MAGI2: variants seen among roughly 807,000 people sequenced by gnomAD.
MAGI2 encodes the protein membrane associated guanylate kinase, WW and PDZ domain containing 2, also known as membrane-associated guanylate kinase, WW and PDZ domain-containing protein 2.
A neutral mutation model predicts 133.3 loss-of-function variants in MAGI2; 35 were observed. That is an observed-to-expected ratio of 0.26 (90% CI 0.20 to 0.35). The LOEUF (loss-of-function observed/expected upper bound fraction) is 0.35. MAGI2 is among the 10% of genes least tolerant of loss of function. MAGI2 has a pLI of 1.00. For synonymous variants in MAGI2, 729 were observed against 710.6 expected, an observed-to-expected ratio of 1.03 and a Z score of -0.41; for missense variants, 1,636 against 1,863.4, an observed-to-expected ratio of 0.88 and a Z score of 2.25.
chr7:78,989,105 G>C (rs1325729387), intron 2 of MAGI2, among the ~76,000 whole-genome samples: 2 of 152,076 alleles, frequency 1.3e-5, no homozygotes, highest in African/African-American at 4.8e-5. Flanking sequence ...AAATGAGCCA[G>C]AGACATTTTA....
rs145943035 is a variant in MAGI2, at chr7:78,854,173, T to G, written c.418+152917A>C. Among the ~76,000 whole-genome samples, 1,165 of 152,318 alleles carry G rather than the reference T, an allele frequency of 7.6e-3. 17 individuals carry two copies. Among genetic ancestry groups the G allele is most frequent in the African/African-American group, 0.026 (1,071 of 41,578 alleles). On this transcript the variant is annotated intron_variant, in intron 2 of 21. Transcript: ENST00000354212. Reference sequence around the variant, plus strand: ...CTAAATTTGCTTCATGGAAACTATGTATACTCTAGAAAAATAAATACAACA... The same window carrying G: ...CTAAATTTGCTTCATGGAAACTATGGATACTCTAGAAAAATAAATACAACA...
chr7:78,422,115 A>G (rs994195418), intron 6 of MAGI2, among the ~76,000 whole-genome samples: 4 of 152,182 alleles, frequency 2.6e-5, no homozygotes, highest in African/African-American at 9.6e-5. Context: ...AAGCTCTAAC[A>G]GAACTGAGGA....
chr7:78,335,104 T>C (rs1172633763), intron 9 of MAGI2, among the ~76,000 whole-genome samples: 1 of 152,216 alleles, frequency 6.6e-6, no homozygotes, highest in African/African-American at 2.4e-5. Context: ...GACCATCTGG[T>C]CTGCAAAACC....
chr7:79,015,205 A>C (rs544610916), intron 1 of MAGI2, among the ~76,000 whole-genome samples: 1 of 152,254 alleles, frequency 6.6e-6, no homozygotes, highest in African/African-American at 2.4e-5. Context: ...TTGTAATCCC[A>C]GAACTTTGGG....
intron 2 of MAGI2, among the ~76,000 whole-genome samples, chr7:78,960,661 A>G (rs1802759822): frequency 6.6e-6 from 1 of 152,142 alleles, no homozygotes; most frequent in Non-Finnish European, 1.5e-5. Context: ...ACATATTGAA[A>G]TTCCTTCAGG....
intron 1 of MAGI2, among the ~76,000 whole-genome samples, chr7:79,286,629 A>G (rs984158958): frequency 6.6e-6 from 1 of 152,106 alleles, no homozygotes; most frequent in Non-Finnish European, 1.5e-5. Context: ...GACATGCCAG[A>G]CTAAAGAAGC....
intron 1 of MAGI2, among the ~76,000 whole-genome samples, chr7:79,360,037 C>CCATT (rs1289059059): frequency 6.6e-6 from 1 of 152,098 alleles, no homozygotes; most frequent in Non-Finnish European, 1.5e-5. Context: ...TCAGAATTAT[C>CCATT]CATTTCAAAA....
intron 17 of MAGI2, chr7:78,134,273 G>A (rs1162369736): frequency 2.0e-5 from 3 of 152,224 alleles, no homozygotes; most frequent in African/African-American, 7.2e-5. Flanking sequence ...ATAAAACAGA[G>A]GGTACCAAGT....
intron 2 of MAGI2, among the ~76,000 whole-genome samples, chr7:78,918,977 G>T (rs182775709): frequency 6.6e-6 from 1 of 152,066 alleles, no homozygotes; most frequent in Non-Finnish European, 1.5e-5. Context: ...ATCTAAAACA[G>T]TTCCATAAAA....
chr7:79,211,718 C>T (rs1829512112), intron 1 of MAGI2, among the ~76,000 whole-genome samples: 1 of 151,808 alleles, frequency 6.6e-6, no homozygotes, highest in Non-Finnish European at 1.5e-5. Context: ...AAAATAACAA[C>T]AACAACAATA....
chr7:78,670,234 C>CA (rs1478200634), intron 2 of MAGI2, among the ~76,000 whole-genome samples: 3 of 152,094 alleles, frequency 2.0e-5, no homozygotes, highest in Non-Finnish European at 4.4e-5. Flanking sequence ...TCTCAGGATA[C>CA]AAAATCAATG....
chr7:78,524,958 T>TC (rs201615819), intron 3 of MAGI2, among the ~76,000 whole-genome samples: 48 of 151,934 alleles, frequency 3.2e-4, no homozygotes, highest in African/African-American at 6.5e-4. Flanking sequence ...GTGTTTTTTT[T>TC]CCCTATTTGT....
intron 2 of MAGI2, among the ~76,000 whole-genome samples, chr7:78,804,455 A>G (rs1788339245): frequency 6.6e-6 from 1 of 152,010 alleles, no homozygotes; most frequent in Admixed American, 6.5e-5. Context: ...ACTAAAAAAA[A>G]AAAAAACTTT....
intron 21 of MAGI2, among the ~76,000 whole-genome samples, chr7:78,062,389 T>C (rs762815036): frequency 6.6e-6 from 1 of 152,230 alleles, no homozygotes; most frequent in Admixed American, 6.5e-5. Context: ...AAAGCCATCA[T>C]GTCTTGAGTG....
intron 1 of MAGI2, among the ~76,000 whole-genome samples, chr7:79,152,142 T>C (rs1823317004): frequency 6.6e-6 from 1 of 152,230 alleles, no homozygotes; most frequent in Non-Finnish European, 1.5e-5. Context: ...AAGAGAATGT[T>C]CAACTGCCAG....
intron 1 of MAGI2, among the ~76,000 whole-genome samples, chr7:79,139,649 G>T (rs2129546072): frequency 6.6e-6 from 1 of 152,232 alleles, no homozygotes; most frequent in East Asian, 1.9e-4. Flanking sequence ...GGGTAAATTT[G>T]GTAACTGGGA....
intron 1 of MAGI2, among the ~76,000 whole-genome samples, chr7:79,433,780 G>A (rs1470617966): frequency 6.6e-6 from 1 of 152,080 alleles, no homozygotes; most frequent in Non-Finnish European, 1.5e-5. Context: ...ATTAAAAAAT[G>A]CAGAGATTCA....
At chr7:78,064,046 ACAG>A (rs755750345) in intron 21 of MAGI2, among the ~76,000 whole-genome samples, 196 of 152,314 alleles carry the variant, frequency 1.3e-3, no homozygotes, top group Non-Finnish European at 2.2e-3. Flanking sequence ...CCCATGGATT[ACAG>A]ACTAGTTAAA....
intron 3 of MAGI2, among the ~76,000 whole-genome samples, chr7:78,540,569 G>A (rs886107941): frequency 2.0e-5 from 3 of 152,098 alleles, no homozygotes; most frequent in Admixed American, 6.6e-5. Context: ...TGACTTATGT[G>A]CTCATATTTC....
Sources: allele counts gnomAD v4.1 joint callset (sites outside exome capture counted in the v4.1 genomes callset), GRCh38; gene constraint gnomAD v4.1.1; transcripts MANE v1.5; gene names NCBI Gene and HGNC (gene_info 2026-07-23, HGNC 2026-07-21).